The following APOBR variants were observed in gnomAD, a reference collection of about 807,000 sequenced individuals.
APOBR encodes the protein apoB-48R.
A neutral mutation model predicts 88.5 loss-of-function variants in APOBR; 57 were observed. That is an observed-to-expected ratio of 0.64 (90% confidence interval 0.52 to 0.80). The LOEUF is 0.80. APOBR is among the 30% of genes least tolerant of loss of function. The pLI, the probability that APOBR is intolerant of heterozygous loss-of-function variation, is 0.00. For missense variants in APOBR, 1,443 were observed against 1,401.6 expected (o/e 1.03, Z -0.47); for synonymous variants, 588 against 572.7 (o/e 1.03, Z -0.38).
chr16:28,495,807 G>A lies in APOBR; in HGVS notation c.766G>A (p.Ala256Thr). Reference protein sequence around the residue: ...KGEEVVVVEKACESTRAWGTW... With the variant: ...KGEEVVVVEKTCESTRAWGTW... ...AGAAGAGGTGGTAGTGGTGGAGAAG[G>A]CCTGTGAAAGCACTAGGGCATGGGG... is the stretch of plus-strand genomic sequence containing the variant. The change falls in exon 2 of 4, where the codon GCC becomes ACC. Residue 256 changes from alanine to threonine, a missense_variant. Physicochemically the swap from Ala to Thr is moderately conservative, Grantham distance 58. Coordinates refer to ENST00000564831, the MANE Select transcript of APOBR (RefSeq NM_018690.4). 1 of 1,600,680 alleles carries A rather than the reference G, an allele frequency of 6.2e-7. No homozygotes were observed. The highest frequency in any genetic ancestry group is 1.1e-5 in the South Asian group (1 of 88,810).
In APOBR at chr16:28,496,259, C is replaced by A; in HGVS notation, c.1218C>A (p.Val406=). The A allele has an allele frequency of 6.2e-7, 1 of 1,604,488 alleles. No homozygotes were observed. The highest frequency in any genetic ancestry group is 8.5e-7 in the Non-Finnish European group (1 of 1,175,786). ...GGCTCCTAGAGGCTACTGGAAAAGT[C>A]TGGGTCCTAGAGGAGGAGGGGGATG... ...GERLLEATGK[V]WVLEEEGDEE... Residue 406 remains valine (V), a synonymous_variant, in exon 2 of 4, where the codon GTC becomes GTA. Transcript: ENST00000564831.
At position 28,498,321 on chromosome 16, in the gene APOBR, C is replaced by T. The variant is rs1217625427; in HGVS notation, c.3196C>T (p.Pro1066Ser). 1.3e-6 allele frequency: 2 copies of T among 1,598,528 alleles called. No homozygotes were observed. The highest frequency in any genetic ancestry group is 1.3e-5 in the African/African-American group (1 of 74,652). The stretch of plus-strand genomic sequence containing the variant: ...TCTGAGGCATGATGGGACCCCGGTG[C>T]CAGCCAGGAGAAGGCCCCTGGGACA... ...SPLRHDGTPVPARRRPLGHGF... is the reference protein window; with the variant it reads ...SPLRHDGTPVSARRRPLGHGF... The change falls in exon 3 of 4, where the codon CCA becomes TCA. Residue 1066 changes from proline to serine, a missense_variant. Physicochemically the swap from Pro to Ser is moderately conservative, Grantham distance 74. Transcript: ENST00000564831.
rs751700329 is a variant in APOBR at position 28,497,873 on chromosome 16, G to C, written c.2832G>C (p.Arg944Ser). 384 of 1,612,674 alleles carry C rather than the reference G, an allele frequency of 2.4e-4. No individual in the cohort carries two copies. The highest frequency in any genetic ancestry group is 3.1e-4 in the Non-Finnish European group (366 of 1,179,434). The change falls in exon 2 of 4, where the codon AGG becomes AGC. Residue 944 changes from arginine (R) to serine (S), a missense_variant. Arg to Ser is a moderately radical substitution (Grantham distance 110). Coordinates refer to ENST00000564831, the MANE Select transcript of APOBR (RefSeq NM_018690.4). Reference protein sequence around the residue: ...ETEPESLEHVRGQEEQPTHQA... With the variant: ...ETEPESLEHVSGQEEQPTHQA... The stretch of plus-strand genomic sequence containing the variant: ...AGCCAGAAAGCCTGGAACATGTCAG[G>C]GGCCAGGAGGAGCAGCCAACACACC...
Position 28,496,892 on chromosome 16 carries a change from C to A in APOBR, c.1851C>A (p.Ser617=). The A allele has an allele frequency of 6.4e-7, 1 of 1,560,904 alleles. No individual in the cohort carries two copies. The highest frequency in any genetic ancestry group is 2.4e-5 in the East Asian group (1 of 41,878). Reference sequence around the variant, plus strand: ...CGGGGTCTGTAAAGCCTGAGGCCTCCGAGGCCTTCCCAGGAGCCTGGGAAA... The same window carrying A: ...CGGGGTCTGTAAAGCCTGAGGCCTCAGAGGCCTTCCCAGGAGCCTGGGAAA... ...RHAGSVKPEA[S]EAFPGAWENR... is the part of the protein sequence containing the mutation. Residue 617 remains serine (S), a synonymous_variant, in exon 2 of 4, where the codon TCC becomes TCA. Coordinates refer to ENST00000564831, the MANE Select transcript of APOBR (RefSeq NM_018690.4).
At position 28,497,105 on chromosome 16, in the gene APOBR, T is replaced by C; in HGVS notation, c.2064T>C (p.Cys688=). The C allele has an allele frequency of 6.2e-7, 1 of 1,602,442 alleles. No individual in the cohort carries two copies. The highest frequency in any genetic ancestry group is 1.7e-5 in the Admixed American group (1 of 57,904). The change falls in exon 2 of 4, where the codon TGT becomes TGC. Residue 688 remains cysteine (C), a synonymous_variant. Transcript: ENST00000564831. ...GGCTGACAACCCAGGACGCGGGATG[T>C]GGAACTGAGGAGGGAGAGGCATCTG... is the stretch of plus-strand genomic sequence containing the variant. ...GEGLTTQDAG[C]GTEEGEASVS... is the part of the protein sequence containing the mutation.
At position 28,496,948 on chromosome 16, in the gene APOBR, A is replaced by G; in HGVS notation, c.1907A>G (p.Asn636Ser). ...NRTRKDMERG[N>S]TQEDAADGEQ... ...ACGAGAAAGGACATGGAGAGAGGAA[A>G]TACTCAGGAGGATGCGGCCGATGGC... The change falls in exon 2 of 4, where the codon AAT becomes AGT. Residue 636 changes from asparagine (N) to serine (S), a missense_variant. Coordinates refer to ENST00000564831, the MANE Select transcript of APOBR (RefSeq NM_018690.4). 6.4e-7 allele frequency: 1 copy of G among 1,559,464 alleles called. No homozygotes were observed. The highest frequency in any genetic ancestry group is 8.7e-7 in the Non-Finnish European group (1 of 1,152,420).
In APOBR at chr16:28,498,015, G is replaced by T. The variant is rs752366937; in HGVS notation, c.2955+19G>T. On this transcript the variant is annotated intron_variant, in intron 2 of 3. Transcript: ENST00000564831. The stretch of plus-strand genomic sequence containing the variant: ...GAGCGAGGTGAGGGCTCTTGGTGGG[G>T]TCTCGGGGGGAACGAGTGGAATCCC... 6.4e-7 allele frequency: 1 copy of T among 1,565,600 alleles called. No individual in the cohort carries two copies. Among genetic ancestry groups the T allele is most frequent in the East Asian group, 2.2e-5 (1 of 44,464 alleles).
Position 28,496,944 on chromosome 16 carries a change from G to A in APOBR, c.1903G>A (p.Gly635Arg). Residue 635 changes from glycine (G) to arginine (R), a missense_variant, in exon 2 of 4, where the codon GGA becomes AGA. By Grantham distance (125) the Gly-to-Arg change is moderately radical. Transcript: ENST00000564831. ...CCGCACGAGAAAGGACATGGAGAGA[G>A]GAAATACTCAGGAGGATGCGGCCGA... ...ENRTRKDMER[G>R]NTQEDAADGE... 1 of 1,559,814 alleles carries A rather than the reference G, an allele frequency of 6.4e-7. No individual in the cohort carries two copies. Among genetic ancestry groups the A allele is most frequent in the Non-Finnish European group, 8.7e-7 (1 of 1,152,616 alleles).
At position 28,497,295 on chromosome 16, in the gene APOBR, CGTGA is replaced by C; in HGVS notation, c.2256_2259del (p.Glu753MetfsTer66). The C allele has an allele frequency of 4.4e-6, 7 of 1,596,034 alleles. No individual in the cohort carries two copies. The highest frequency in any genetic ancestry group is 6.0e-6 in the Non-Finnish European group (7 of 1,171,786). On this transcript the variant is annotated frameshift_variant, in exon 2 of 4. Transcript: ENST00000564831. LOFTEE classifies it high-confidence loss of function. ...AGCGGTGGCTGTGGGCCTCCCGGAC[CGTGA>C]GGATGCACAGACTGGCTCTGTGGCT...
Position 28,497,028 on chromosome 16 carries a change from G to T in APOBR, c.1987G>T (p.Glu663Ter), listed in dbSNP as rs2046398437. Residue 663 changes from glutamate (E) to a stop codon, truncating the protein, a stop_gained, in exon 2 of 4, where the codon GAA (glutamate) becomes TAA (stop). Transcript: ENST00000564831. LOFTEE classifies it high-confidence loss of function. The part of the protein sequence containing the change: ...AGGQTLAAEA[E>*]GDRESELSEV... ...AGGCCAGACCCTGGCGGCTGAGGCT[G>T]AAGGAGACCGAGAGTCTGAACTATC... 6.3e-7 allele frequency: 1 copy of T among 1,582,690 alleles called. No homozygotes were observed. The highest frequency in any genetic ancestry group is 1.2e-5 in the South Asian group (1 of 86,600).
In APOBR at chr16:28,496,198, T is replaced by G. The variant is rs1567268133; in HGVS notation, c.1157T>G (p.Val386Gly). The change falls in exon 2 of 4, where the codon GTC (valine) becomes GGC (glycine). Residue 386 changes from valine to glycine, a missense_variant. Transcript: ENST00000564831. ...AAAGAGGAGGCTGACCTGCTGGGAG[T>G]CAGACAGACAGAATATGGAGCAGTC... ...SGKEEADLLG[V>G]RQTEYGAVPG... 1 of 1,575,082 alleles carries G rather than the reference T, an allele frequency of 6.3e-7. No homozygotes were observed.
Position 28,496,867 on chromosome 16 carries a change from C to T in APOBR, c.1826C>T (p.Ala609Val), listed in dbSNP as rs181000858. 71 of 1,559,446 alleles carry T rather than the reference C, an allele frequency of 4.6e-5. No individual in the cohort carries two copies. Among genetic ancestry groups the T allele is most frequent in the African/African-American group, 3.4e-4 (25 of 73,530 alleles). ...ERSLEAGPRHAGSVKPEASEA... is the reference protein window; with the variant it reads ...ERSLEAGPRHVGSVKPEASEA... ...AGCCTGGAGGCAGGTCCCAGGCACG[C>T]GGGGTCTGTAAAGCCTGAGGCCTCC... Residue 609 changes from alanine to valine, a missense_variant, in exon 2 of 4, where the codon GCG (alanine) becomes GTG (valine). By Grantham distance (64) the Ala-to-Val change is moderately conservative. Transcript: ENST00000564831.
rs553642456 is a variant in APOBR, at chr16:28,496,292, A to T, written c.1251A>T (p.Arg417Ser). ...WVLEEEGDEE[R>S]EAEVSPFPKQ... ...TAGAGGAGGAGGGGGATGAGGAGAGAGAGGCTGAGGTGAGCCCTTTCCCCA... is the reference window on the plus strand; with the variant it reads ...TAGAGGAGGAGGGGGATGAGGAGAGTGAGGCTGAGGTGAGCCCTTTCCCCA... The change falls in exon 2 of 4, where the codon AGA (arginine) becomes AGT (serine). Residue 417 changes from arginine to serine, a missense_variant. Coordinates refer to ENST00000564831, the MANE Select transcript of APOBR (RefSeq NM_018690.4). The T allele has an allele frequency of 6.3e-7, 1 of 1,595,940 alleles. No homozygotes were observed. The highest frequency in any genetic ancestry group is 1.3e-5 in the African/African-American group (1 of 74,384).
chr16:28,495,087 C>A lies in APOBR; in HGVS notation c.58-12C>A. ...CTCAATGACTCTCCCCTCTCTCTCT[C>A]TTTTTTCCTAGGATTCCCTCGGCAC... On this transcript the variant is annotated splice_polypyrimidine_tract_variant and intron_variant, in intron 1 of 3. Transcript: ENST00000564831. 6.7e-7 allele frequency: 1 copy of A among 1,485,496 alleles called. No individual in the cohort carries two copies. The highest frequency in any genetic ancestry group is 2.4e-5 in the East Asian group (1 of 41,786). 92.0% of individuals were successfully genotyped at this position (1,485,496 alleles called of 1,614,324 possible). A position where few individuals can be genotyped will look rare whatever the true frequency, so the allele number is the denominator to read the frequency against.
In APOBR at chr16:28,497,185, C is replaced by A. The variant is rs200288763; in HGVS notation, c.2144C>A (p.Pro715Gln). The change falls in exon 2 of 4, where the codon CCG becomes CAG. Residue 715 changes from proline (P) to glutamine (Q), a missense_variant. Coordinates refer to ENST00000564831, the MANE Select transcript of APOBR (RefSeq NM_018690.4). ...ACAGGGGCAGACGCAGGGCCTTGCCCGTCACTGGGAGAGGCCTATGCCAGA... is the reference window on the plus strand; with the variant it reads ...ACAGGGGCAGACGCAGGGCCTTGCCAGTCACTGGGAGAGGCCTATGCCAGA... ...GSTGADAGPC[P>Q]SLGEAYARET... 1 of 1,600,154 alleles carries A rather than the reference C, an allele frequency of 6.2e-7. No individual in the cohort carries two copies. The highest frequency in any genetic ancestry group is 2.3e-5 in the East Asian group (1 of 44,372).
chr16:28,497,686 C>CGCTGTTGGAAGAAGAG lies in APOBR; in HGVS notation c.2655_2670dup (p.Trp891ArgfsTer16), dbSNP rs780169519. On this transcript the variant is annotated frameshift_variant, in exon 2 of 4. Transcript: ENST00000564831. LOFTEE classifies it high-confidence loss of function. Reference sequence around the variant, plus strand: ...GCTGGGGGGCTTCTAGAAAAGTGGACGCTGTTGGAAGAAGAGGCTGTTGGA... The same window carrying CGCTGTTGGAAGAAGAG: ...GCTGGGGGGCTTCTAGAAAAGTGGACGCTGTTGGAAGAAGAGGCTGTTGGAAGAAGAGGCTGTTGGA... The CGCTGTTGGAAGAAGAG allele has an allele frequency of 6.2e-7, 1 of 1,603,166 alleles. No homozygotes were observed. Among genetic ancestry groups the CGCTGTTGGAAGAAGAG allele is most frequent in the South Asian group, 1.1e-5 (1 of 89,428 alleles).
rs1208428880 is a variant in APOBR, at chr16:28,497,718, G to A, written c.2677G>A (p.Glu893Lys). Reference sequence around the variant, plus strand: ...GGAAGAAGAGGCTGTTGGATGGCAGGAGAGAGAACAGAGGGAAGACAGTGA... The same window carrying A: ...GGAAGAAGAGGCTGTTGGATGGCAGAAGAGAGAACAGAGGGAAGACAGTGA... ...LLEEEAVGWQEREQREDSEGR... is the reference protein window; with the variant it reads ...LLEEEAVGWQKREQREDSEGR... Residue 893 changes from glutamate to lysine, a missense_variant, in exon 2 of 4, where the codon GAG (glutamate) becomes AAG (lysine). Physicochemically the swap from Glu to Lys is moderately conservative, Grantham distance 56. Coordinates refer to ENST00000564831, the MANE Select transcript of APOBR (RefSeq NM_018690.4). The A allele has an allele frequency of 6.2e-7, 1 of 1,604,694 alleles. No individual in the cohort carries two copies. Among genetic ancestry groups the A allele is most frequent in the Non-Finnish European group, 8.5e-7 (1 of 1,175,910 alleles).
Position 28,495,606 on chromosome 16 carries a change from G to C in APOBR, c.565G>C (p.Glu189Gln), listed in dbSNP as rs777287434. ...GGAGGAGGAAGAGGTCAGGGCAAGA[G>C]AGCCAGGGATGGCCAGAGGGGCGGA... ...EEEEEEVRAREPGMARGAESE... is the reference protein window; with the variant it reads ...EEEEEEVRARQPGMARGAESE... Residue 189 changes from glutamate to glutamine, a missense_variant, in exon 2 of 4, where the codon GAG (glutamate) becomes CAG (glutamine). Glu to Gln is a conservative substitution (Grantham distance 29). Coordinates refer to ENST00000564831, the MANE Select transcript of APOBR (RefSeq NM_018690.4). The C allele has an allele frequency of 1.3e-6, 2 of 1,561,270 alleles. No individual in the cohort carries two copies. Among genetic ancestry groups the C allele is most frequent in the South Asian group, 1.2e-5 (1 of 84,746 alleles).
chr16:28,498,069 C>G lies in APOBR; in HGVS notation c.2956-12C>G, dbSNP rs114392557. On this transcript the variant is annotated splice_polypyrimidine_tract_variant and intron_variant, in intron 2 of 3. Transcript: ENST00000564831. ...GCCGGCCCCATGGTCCTCTGTGCCC[C>G]CTTTCCTGCAGGCCCCGCTCCCCGG... 5,308 of 1,544,414 alleles carry G rather than the reference C, an allele frequency of 3.4e-3. 17 individuals are homozygous for G. Among genetic ancestry groups the G allele is most frequent in the South Asian group, 4.4e-3 (363 of 83,366 alleles).
Sources: gnomAD v4.1 joint callset for allele counts on GRCh38, gnomAD v4.1.1 for gene constraint, MANE v1.5 for transcripts, NCBI Gene and HGNC (gene_info 2026-07-23, HGNC 2026-07-21) for gene names.